Variants in MDGA2 observed in about 807,000 individuals in gnomAD.
MDGA2 encodes the protein MAM domain containing glycosylphosphatidylinositol anchor 2.
MDGA2 carries 40 observed loss-of-function variants against 117.8 expected under a neutral mutation model. The observed-to-expected ratio is 0.34, with a 90% CI of 0.26 to 0.44. MDGA2 has a LOEUF of 0.44. Ranked by LOEUF, MDGA2 falls within the 20% of genes least tolerant of loss-of-function variation. The pLI is 1.00. For missense variants in MDGA2, 1,123 were observed against 1,250.6 expected (o/e 0.90, Z 1.54); for synonymous variants, 452 against 439.0 (o/e 1.03, Z -0.37).
At chr14:46,925,645 A>G (rs2138528180) in intron 9 of MDGA2, among the ~76,000 whole-genome samples, 1 of 151,594 alleles carries the variant, frequency 6.6e-6, no homozygotes, top group South Asian at 2.1e-4. Context: ...AAAAAAAAAA[A>G]AAAAAAAGGA....
At chr14:47,634,954 C>T (rs1240562008) in intron 1 of MDGA2, among the ~76,000 whole-genome samples, 1 of 151,994 alleles carries the variant, frequency 6.6e-6, no homozygotes, top group Non-Finnish European at 1.5e-5. Context: ...CTTTAATAAA[C>T]TGTGTGACCT....
intron 7 of MDGA2, among the ~76,000 whole-genome samples, chr14:47,057,916 G>A (rs1475379784): frequency 6.6e-6 from 1 of 151,922 alleles, no homozygotes; most frequent in African/African-American, 2.4e-5. Context: ...ACCATGCCTG[G>A]CCCTAAACTG....
At chr14:47,062,170 T>C (rs544980660) in intron 6 of MDGA2, among the ~76,000 whole-genome samples, 30 of 152,192 alleles carry the variant, frequency 2.0e-4, no homozygotes, top group African/African-American at 5.3e-4. Flanking sequence ...GCAAAAAGCA[T>C]GTTCAAAACA....
chr14:47,414,519 T>C (rs371365062), intron 1 of MDGA2, among the ~76,000 whole-genome samples: 9 of 152,270 alleles, frequency 5.9e-5, no homozygotes, highest in African/African-American at 2.2e-4. Flanking sequence ...TTTCTTGCGA[T>C]ATAGATAGAT....
chr14:47,187,027 G>T (rs1884936962), intron 3 of MDGA2, among the ~76,000 whole-genome samples: 1 of 151,862 alleles, frequency 6.6e-6, no homozygotes. Context: ...TTAGAAAGAT[G>T]CTATTTACAC....
At chr14:47,489,125 G>C (rs990869046) in intron 1 of MDGA2, among the ~76,000 whole-genome samples, 1 of 151,852 alleles carries the variant, frequency 6.6e-6, no homozygotes, top group African/African-American at 2.4e-5. Context: ...TTCCTTGTTA[G>C]TCTATAATAA....
intron 1 of MDGA2, among the ~76,000 whole-genome samples, chr14:47,463,330 T>A (rs1277693986): frequency 6.6e-6 from 1 of 152,294 alleles, no homozygotes; most frequent in East Asian, 1.9e-4. Flanking sequence ...GGATATTGTG[T>A]GGACTATATG....
In MDGA2 at chr14:46,911,616, G is replaced by A. The variant is rs192869930; in HGVS notation, c.2238+8396C>T. Among the ~76,000 whole-genome samples the A allele has an allele frequency of 5.9e-3, 899 of 152,198 alleles. 14 individuals carry two copies. Among genetic ancestry groups the A allele is most frequent in the African/African-American group, 0.019 (807 of 41,538 alleles). On this transcript the variant is annotated intron_variant, in intron 10 of 16. Transcript: ENST00000399232. ...CATTAAAATTATAAGAAGCAATTGA[G>A]AATGATGATTGATTCAAAATCAACT...
In MDGA2 at chr14:47,061,602, G is replaced by GAGTT. The variant is rs781419490; in HGVS notation, c.1196-28_1196-25dup. On this transcript the variant is annotated intron_variant, in intron 6 of 16. Transcript: ENST00000399232. ...TGCTACAACATAAAAATTCCATAAG[G>GAGTT]AGTTAGTGTTACTTTCATAACTTTA... is the stretch of plus-strand genomic sequence containing the variant. 103 of 1,568,598 alleles carry GAGTT rather than the reference G, an allele frequency of 6.6e-5. 1 individual carries two copies. The African/African-American group carries it at 1.1e-3, about 17-fold the overall frequency.
chr14:46,998,595 C>T (rs192608080), intron 8 of MDGA2, among the ~76,000 whole-genome samples: 179 of 152,062 alleles, frequency 1.2e-3, no homozygotes, highest in African/African-American at 4.1e-3. Context: ...GAGAAAAGCT[C>T]GTGGAAAGTC....
At chr14:47,426,546 G>T (rs1892693512) in intron 1 of MDGA2, among the ~76,000 whole-genome samples, 1 of 151,552 alleles carries the variant, frequency 6.6e-6, no homozygotes, top group Admixed American at 6.6e-5. Context: ...AGTATTACTA[G>T]TTAGATAATA....
intron 14 of MDGA2, among the ~76,000 whole-genome samples, chr14:46,861,324 T>C (rs1222827288): frequency 3.3e-5 from 5 of 151,924 alleles, no homozygotes; most frequent in Non-Finnish European, 7.4e-5. Flanking sequence ...CTTATATCAG[T>C]AATTATAGGG....
chr14:47,620,026 C>T (rs1367790230), intron 1 of MDGA2, among the ~76,000 whole-genome samples: 3 of 152,180 alleles, frequency 2.0e-5, no homozygotes, highest in Non-Finnish European at 4.4e-5. Flanking sequence ...TCACAGGAAG[C>T]TCTTGGCTAG....
intron 1 of MDGA2, among the ~76,000 whole-genome samples, chr14:47,312,277 C>A (rs932636973): frequency 6.6e-6 from 1 of 151,976 alleles, no homozygotes; most frequent in Non-Finnish European, 1.5e-5. Context: ...ATGGTACTTC[C>A]CAGGAACCTT....
At chr14:47,564,995 T>C (rs1399142457) in intron 1 of MDGA2, among the ~76,000 whole-genome samples, 2 of 152,166 alleles carry the variant, frequency 1.3e-5, no homozygotes, top group Non-Finnish European at 1.5e-5. Flanking sequence ...CACTTTTTTT[T>C]TTCTCATCTC....
At chr14:47,579,678 T>C (rs1357622390) in intron 1 of MDGA2, among the ~76,000 whole-genome samples, 1 of 152,008 alleles carries the variant, frequency 6.6e-6, no homozygotes, top group Non-Finnish European at 1.5e-5. Context: ...TAAAATGAAA[T>C]ATGTGTTCTC....
intron 3 of MDGA2, among the ~76,000 whole-genome samples, chr14:47,173,721 C>G (rs372919232): frequency 6.6e-6 from 1 of 151,976 alleles, no homozygotes. Flanking sequence ...ACCATCAAGA[C>G]TAGGAAGAAA....
intron 1 of MDGA2, among the ~76,000 whole-genome samples, chr14:47,459,185 T>G (rs1235708260): frequency 6.6e-6 from 1 of 151,964 alleles, no homozygotes; most frequent in Non-Finnish European, 1.5e-5. Flanking sequence ...CTTTGAATTG[T>G]TGACTTACTG....
chr14:47,147,467 C>A (rs888957735), intron 3 of MDGA2, among the ~76,000 whole-genome samples: 1 of 152,154 alleles, frequency 6.6e-6, no homozygotes, highest in Non-Finnish European at 1.5e-5. Context: ...TCAAAGCTGC[C>A]CTGCCCTGAG....
Sources: gnomAD v4.1 joint callset for allele counts (sites outside exome capture counted in the v4.1 genomes callset) on GRCh38, gnomAD v4.1.1 for gene constraint, MANE v1.5 for transcripts, NCBI Gene and HGNC (gene_info 2026-07-23, HGNC 2026-07-21) for gene names.